The following WT1 variants were observed in gnomAD, a reference collection of about 807,000 sequenced individuals.
The protein encoded by WT1 is Wilms tumor protein.
WT1 carries 8 observed loss-of-function variants against 60.8 expected under a neutral mutation model. The ratio of observed to expected loss-of-function variants is 0.13; its 90% confidence interval spans 0.08 to 0.24. The LOEUF (loss-of-function observed/expected upper bound fraction) is 0.24. Among genes scored for constraint, WT1 ranks in the 10% least tolerant of loss-of-function variants. The probability of loss-of-function intolerance (pLI) is 1.00; values close to 1 mark genes in which losing one functional copy is unlikely to be tolerated. For missense variants in WT1, 568 were observed against 711.8 expected (o/e 0.80, Z 2.30); for synonymous variants, 312 against 297.1 (o/e 1.05, Z -0.52).
At chr11:32,422,348 C>T (rs1437759175) in intron 3 of WT1, among the ~76,000 whole-genome samples, 1 of 152,234 alleles carries the variant, frequency 6.6e-6, no homozygotes, top group Non-Finnish European at 1.5e-5. Context: ...TTCCTCCTCC[C>T]TGGAGACGAG....
rs530568941 is a variant in WT1 at position 32,398,171 on chromosome 11, G to A, written c.1114-1764C>T. Among the ~76,000 whole-genome samples, 96 of 152,294 alleles carry A rather than the reference G, an allele frequency of 6.3e-4. 1 individual carries two copies. The highest frequency in any genetic ancestry group is 6.8e-3 in the Middle Eastern group (2 of 294). On this transcript the variant is annotated intron_variant, in intron 6 of 9. Transcript: ENST00000452863. The stretch of plus-strand genomic sequence containing the variant: ...CCATTGAAAGGCTTGGGAGTAGGGA[G>A]CACACTGTTCTTTCTTCGTGACACT...
Position 32,428,498 on chromosome 11 carries a change from C to A in WT1, c.783G>T (p.Leu261=). The stretch of plus-strand genomic sequence containing the variant: ...CTCCACTTGGTTCCGCTCGCTTACC[C>A]AGCGAGCCCTGCTGGCCCATGGGAT... Residue 261 remains leucine (L), a splice_region_variant and synonymous_variant, in exon 2 of 10, where the codon CTG becomes CTT. Transcript: ENST00000452863. 6.2e-7 allele frequency: 1 copy of A among 1,614,086 alleles called. No individual in the cohort carries two copies. The highest frequency in any genetic ancestry group is 8.5e-7 in the Non-Finnish European group (1 of 1,180,018).
At chr11:32,404,123 A>T (rs1394855021) in intron 5 of WT1, among the ~76,000 whole-genome samples, 1 of 151,726 alleles carries the variant, frequency 6.6e-6, no homozygotes, top group Non-Finnish European at 1.5e-5. Context: ...TACAAAAATT[A>T]GTTGGGCATG....
chr11:32,398,444 G>A (rs1346997124), intron 6 of WT1, among the ~76,000 whole-genome samples: 1 of 152,178 alleles, frequency 6.6e-6, no homozygotes, highest in Non-Finnish European at 1.5e-5. Context: ...GGAGGTGGCA[G>A]ACCAAAAGTG....
At chr11:32,401,557 T>C (rs1278058944) in intron 5 of WT1, among the ~76,000 whole-genome samples, 1 of 152,094 alleles carries the variant, frequency 6.6e-6, no homozygotes, top group Non-Finnish European at 1.5e-5. Context: ...TTTATTTATT[T>C]TGAGATGGAG....
Position 32,396,268 on chromosome 11 carries a change from C to A in WT1, c.1253G>T (p.Arg418Met), listed in dbSNP as rs373176048. 2.5e-6 allele frequency: 4 copies of A among 1,614,084 alleles called. No homozygotes were observed. The highest frequency in any genetic ancestry group is 3.4e-6 in the Non-Finnish European group (4 of 1,180,048). The change falls in exon 7 of 10, where the codon AGG (arginine) becomes ATG (methionine). Residue 418 changes from arginine to methionine, a missense_variant. Physicochemically the swap from Arg to Met is moderately conservative, Grantham distance 91. Coordinates refer to ENST00000452863, the MANE Select transcript of WT1 (RefSeq NM_024426.6). The stretch of plus-strand genomic sequence containing the variant: ...GCGGGCACACTTACCAGTGTGCTTC[C>A]TGCTGTGCATCTGTAAGTGGGACAG...
chr11:32,433,815 G>A (rs1853390567), intron 1 of WT1, among the ~76,000 whole-genome samples: 1 of 152,240 alleles, frequency 6.6e-6, no homozygotes, highest in African/African-American at 2.4e-5. Context: ...ACTAAGCACA[G>A]CGAATAACCC....
intron 9 of WT1, among the ~76,000 whole-genome samples, chr11:32,390,476 G>A (rs931173001): frequency 2.6e-5 from 4 of 152,174 alleles, no homozygotes; most frequent in Non-Finnish European, 2.9e-5. Context: ...CCTGAGGAAG[G>A]GAAGCAAGAT....
chr11:32,396,423 A>G lies in WT1; in HGVS notation c.1114-16T>C. On this transcript the variant is annotated splice_polypyrimidine_tract_variant and intron_variant, in intron 6 of 9. Transcript: ENST00000452863. ...GTCGCACATCCTGCAGGCAGAGAGT[A>G]AGAGGAAGGGAGGCTTTAAGCCACA... 2.5e-6 allele frequency: 4 copies of G among 1,613,038 alleles called. No individual in the cohort carries two copies. Among genetic ancestry groups the G allele is most frequent in the Non-Finnish European group, 2.5e-6 (3 of 1,180,026 alleles).
intron 3 of WT1, among the ~76,000 whole-genome samples, chr11:32,420,033 A>G (rs1171948745): frequency 2.0e-5 from 3 of 152,166 alleles, no homozygotes; most frequent in African/African-American, 7.2e-5. Flanking sequence ...CAGAAGGCAA[A>G]TCTTCTCAAA....
chr11:32,429,013 G>A (rs1853169782), intron 1 of WT1: 1 of 335,748 alleles, frequency 3.0e-6, no homozygotes, highest in South Asian at 2.6e-5. Flanking sequence ...AGCAGCGCGG[G>A]CAAGCGAAAT....
intron 5 of WT1, among the ~76,000 whole-genome samples, chr11:32,407,359 T>C (rs181588819): frequency 9.9e-4 from 151 of 151,958 alleles, no homozygotes; most frequent in African/African-American, 3.4e-3. Context: ...GGAATTGAGG[T>C]TTTACAGATG....
chr11:32,429,179 T>A (rs1375909784), intron 1 of WT1: 2 of 188,852 alleles, frequency 1.1e-5, no homozygotes, highest in African/African-American at 2.3e-5. Flanking sequence ...CTACCCGACC[T>A]GACACCATGA....
intron 2 of WT1, 58 bp downstream of exon 2, chr11:32,428,439 G>C (rs1590395401): frequency 6.2e-7 from 1 of 1,611,908 alleles, no homozygotes; most frequent in Non-Finnish European, 8.5e-7. Context: ...ATTCCTGGGG[G>C]AGAGGAGGAT....
chr11:32,407,110 C>T (rs377652666), intron 5 of WT1, among the ~76,000 whole-genome samples: 3 of 152,102 alleles, frequency 2.0e-5, no homozygotes, highest in African/African-American at 7.2e-5. Context: ...AAAACAAAAA[C>T]AAAAACAAAC....
At chr11:32,420,438 G>A (rs992061248) in intron 3 of WT1, among the ~76,000 whole-genome samples, 2 of 152,188 alleles carry the variant, frequency 1.3e-5, no homozygotes, top group Non-Finnish European at 2.9e-5. Flanking sequence ...CTTTGAAGAT[G>A]ATACAGATAA....
chr11:32,423,125 G>T (rs1028400283), intron 3 of WT1, among the ~76,000 whole-genome samples: 1 of 152,122 alleles, frequency 6.6e-6, no homozygotes, highest in South Asian at 2.1e-4. Context: ...AATTAGGGGG[G>T]AAATTGTGCC....
In WT1 at chr11:32,415,572, C is replaced by T. The variant is rs5030220; in HGVS notation, c.1016+918G>A. 1.0e-2 allele frequency among the ~76,000 whole-genome samples: 1,522 copies of T among 152,282 alleles called. 25 individuals are homozygous for T. The highest frequency in any genetic ancestry group is 0.035 in the African/African-American group (1,434 of 41,556). On this transcript the variant is annotated intron_variant, in intron 5 of 9. Transcript: ENST00000452863. Reference sequence around the variant, plus strand: ...CTGAGGCAGGAGAATCGCTTGAACCCGGGAGGTGGAGGTTGCGGTGAGCGA... The same window carrying T: ...CTGAGGCAGGAGAATCGCTTGAACCTGGGAGGTGGAGGTTGCGGTGAGCGA...
At chr11:32,398,354 A>G (rs1011670714) in intron 6 of WT1, among the ~76,000 whole-genome samples, 2 of 152,196 alleles carry the variant, frequency 1.3e-5, no homozygotes, top group African/African-American at 4.8e-5. Flanking sequence ...TATAAGCCAT[A>G]AATGAAACCC....
Sources: gnomAD v4.1 joint callset for allele counts (sites outside exome capture counted in the v4.1 genomes callset) on GRCh38, gnomAD v4.1.1 for gene constraint, MANE v1.5 for transcripts, NCBI Gene and HGNC (gene_info 2026-07-23, HGNC 2026-07-21) for gene names.